The following PCDH1 variants were observed in gnomAD, a reference collection of about 807,000 sequenced individuals.
PCDH1 encodes the protein protocadherin 1, also known as protocadherin-1.
PCDH1 carries 23 observed loss-of-function variants against 74.6 expected under a neutral mutation model. The observed-to-expected ratio is 0.31, with a 90% CI of 0.22 to 0.44. The LOEUF (loss-of-function observed/expected upper bound fraction) is 0.44. Ranked by LOEUF, PCDH1 falls within the 20% of genes least tolerant of loss-of-function variation. The pLI, the probability that PCDH1 is intolerant of heterozygous loss-of-function variation, is 1.00. For missense variants in PCDH1, 1,214 were observed against 1,641.4 expected (o/e 0.74, Z 4.50); for synonymous variants, 647 against 686.1 (o/e 0.94, Z 0.89).
intron 1 of PCDH1, among the ~76,000 whole-genome samples, chr5:141,874,176 G>A (rs935519711): frequency 5.9e-5 from 9 of 152,330 alleles, no homozygotes; most frequent in South Asian, 4.1e-4. Context: ...GAATGAACCA[G>A]CCCAGGCTTC....
rs1265340755 is a variant in PCDH1, at chr5:141,878,237, C to G, written c.26G>C (p.Arg9Pro). The G allele has an allele frequency of 1.2e-5, 16 of 1,378,980 alleles. No homozygotes were observed. In the East Asian group the frequency reaches 3.5e-4, roughly 30 times the overall value. The allele number at this position is 1,378,980 out of a possible 1,614,324, so 85.4% of individuals were successfully genotyped here. A position where few individuals can be genotyped will look rare whatever the true frequency, so the allele number is the denominator to read the frequency against. Residue 9 changes from arginine (R) to proline (P), a missense_variant, in exon 1 of 5, where the codon CGC (arginine) becomes CCC (proline). Physicochemically the swap from Arg to Pro is moderately radical, Grantham distance 103. Around this residue, in one of 4 missense-constraint regions of PCDH1, gnomAD observed 87 missense variants for 87.7 expected, o/e 0.99. Coordinates refer to ENST00000287008, the MANE Select transcript of PCDH1 (RefSeq NM_032420.5). This position sits in a 1 kb window ranked among gnomAD's most constrained non-coding sequence, Gnocchi z 5.5. MDSGAGGR[R>P]CPEAALLILG... ...CGGATCCTTACCCGCCTCCGGGCAG[C>G]GCCGGCCGCCCGCCCCGCTGTCCAT...
chr5:141,857,493 C>G (rs1165804083), intron 3 of PCDH1, 22 bp from the exon 4 acceptor site: 1 of 1,604,964 alleles, frequency 6.2e-7, no homozygotes, highest in East Asian at 2.2e-5. Flanking sequence ...CAGATTGTCA[C>G]TACTGACCAG....
chr5:141,866,908 G>A (rs1009510599), intron 2 of PCDH1, among the ~76,000 whole-genome samples: 1 of 152,178 alleles, frequency 6.6e-6, no homozygotes, highest in Admixed American at 6.5e-5. Context: ...GAGCCCTCAA[G>A]CCACTGCCAG....
intron 1 of PCDH1, among the ~76,000 whole-genome samples, chr5:141,877,714 GA>G (rs1753276225): frequency 6.6e-6 from 1 of 152,220 alleles, no homozygotes; most frequent in African/African-American, 2.4e-5. Flanking sequence ...CATATGCAGG[GA>G]TGTATGTATG....
At chr5:141,871,387 G>A (rs1753093458) in intron 1 of PCDH1, among the ~76,000 whole-genome samples, 1 of 152,230 alleles carries the variant, frequency 6.6e-6, no homozygotes. Flanking sequence ...TTGTTTGGTT[G>A]CTTCTGTATA....
intron 1 of PCDH1, among the ~76,000 whole-genome samples, chr5:141,877,142 C>G (rs1753261563): frequency 6.6e-6 from 1 of 152,174 alleles, no homozygotes; most frequent in Non-Finnish European, 1.5e-5. Flanking sequence ...ATCTGGACTC[C>G]GAGAGAGAGG....
intron 3 of PCDH1, chr5:141,862,975 C>G (rs979159325): frequency 1.0e-5 from 13 of 1,250,476 alleles, no homozygotes; most frequent in African/African-American, 3.1e-5. Flanking sequence ...AGGGACTTGG[C>G]AAATCACAGG....
intron 1 of PCDH1, among the ~76,000 whole-genome samples, chr5:141,870,827 G>C (rs1179635152): frequency 6.6e-6 from 1 of 152,032 alleles, no homozygotes; most frequent in Admixed American, 6.6e-5. Flanking sequence ...AAAATCTTTG[G>C]ATCAGCAGTT....
chr5:141,863,425 T>C lies in PCDH1; in HGVS notation c.2906A>G (p.Tyr969Cys). 1 of 1,561,912 alleles carries C rather than the reference T, an allele frequency of 6.4e-7. No individual in the cohort carries two copies. Among genetic ancestry groups the C allele is most frequent in the Non-Finnish European group, 8.7e-7 (1 of 1,153,136 alleles). The change falls in exon 3 of 5, where the codon TAT becomes TGT. Residue 969 changes from tyrosine to cysteine, a missense_variant. By Grantham distance (194) the Tyr-to-Cys change is radical (BLOSUM62 -2). Transcript: ENST00000287008. The surrounding 1 kb of genome is among the most constrained non-coding windows in gnomAD (Gnocchi z 7.5). The stretch of plus-strand genomic sequence containing the variant: ...GGAAGGCAGTGGGGAGTTAGAGCGA[T>C]AGTGGCGGCCCAGGTCAGGGCTGCC... ...PPGSPDLGRHYRSNSPLPSIQ... is the reference protein window; with the variant it reads ...PPGSPDLGRHCRSNSPLPSIQ...
intron 3 of PCDH1, among the ~76,000 whole-genome samples, chr5:141,858,941 A>G (rs1561477386): frequency 6.6e-6 from 1 of 152,034 alleles, no homozygotes; most frequent in Non-Finnish European, 1.5e-5. Flanking sequence ...TCAGGACAGG[A>G]GTTTTGGAGC....
chr5:141,870,456 T>G (rs554738304), intron 1 of PCDH1, among the ~76,000 whole-genome samples: 9 of 152,294 alleles, frequency 5.9e-5, no homozygotes, highest in Non-Finnish European at 1.2e-4. Context: ...TGGCCTGTCC[T>G]TAGCAACAGG....
chr5:141,865,553 G>T lies in PCDH1; in HGVS notation c.904-126C>A. 4.6e-6 allele frequency: 5 copies of T among 1,080,552 alleles called. No homozygotes were observed. In the South Asian group the frequency reaches 7.5e-5, roughly 16 times the overall value. The allele number at this position is 1,080,552 out of a possible 1,614,324, so 66.9% of individuals were successfully genotyped here. A position where few individuals can be genotyped will look rare whatever the true frequency, so the allele number is the denominator to read the frequency against. The stretch of plus-strand genomic sequence containing the variant: ...TGGCAGACACAGCCAATCCAACATC[G>T]CTCCCTTTCCAGAAGCCATGTGTGT... On this transcript the variant is annotated intron_variant, in intron 2 of 4. Transcript: ENST00000287008. This position sits in a 1 kb window ranked among gnomAD's most constrained non-coding sequence, Gnocchi z 4.4.
intron 3 of PCDH1, among the ~76,000 whole-genome samples, chr5:141,860,505 A>G (rs1046234496): frequency 2.9e-4 from 44 of 151,896 alleles, no homozygotes; most frequent in Non-Finnish European, 5.7e-4. Flanking sequence ...TCTCAAAAAA[A>G]AAAAAAAAAA....
rs370388642 is a variant in PCDH1 at position 141,857,307 on chromosome 5, G to A, written c.3264C>T (p.His1088=). 2.5e-6 allele frequency: 4 copies of A among 1,612,896 alleles called. No individual in the cohort carries two copies. In the African/African-American group the frequency reaches 5.3e-5, roughly 22 times the overall value. The change falls in exon 4 of 5, where the codon CAC becomes CAT. Residue 1088 remains histidine (H), a synonymous_variant. Coordinates refer to ENST00000287008, the MANE Select transcript of PCDH1 (RefSeq NM_032420.5). ...RLGPLALPED[H]YERTTPDGSI... is the part of the protein sequence containing the mutation. The stretch of plus-strand genomic sequence containing the variant: ...TGCCATCAGGGGTGGTGCGCTCATA[G>A]TGATCCTCAGGCAGGGCCAGGGGAC...
Position 141,864,316 on chromosome 5 carries a change from C to G in PCDH1, c.2015G>C (p.Ser672Thr). The change falls in exon 3 of 5, where the codon AGC becomes ACC. Residue 672 changes from serine to threonine, a missense_variant. Around this residue, in one of 4 missense-constraint regions of PCDH1, gnomAD observed 836 missense variants for 1,182.2 expected, o/e 0.71. Coordinates refer to ENST00000287008, the MANE Select transcript of PCDH1 (RefSeq NM_032420.5). The surrounding 1 kb of genome is among the most constrained non-coding windows in gnomAD (Gnocchi z 5.9). ...GGTGCTTTGTTGCTCTCGATCAAAG[C>G]TCAGGCTGGATAGGATGGTGCCTGT... ...NGTGTILSSLSFDREQQSTYT... is the reference protein window; with the variant it reads ...NGTGTILSSLTFDREQQSTYT... The G allele has an allele frequency of 6.2e-7, 1 of 1,614,094 alleles. No individual in the cohort carries two copies. Among genetic ancestry groups the G allele is most frequent in the South Asian group, 1.1e-5 (1 of 91,088 alleles).
intron 4 of PCDH1, among the ~76,000 whole-genome samples, chr5:141,855,719 C>T (rs145815273): frequency 9.2e-5 from 14 of 152,294 alleles, no homozygotes; most frequent in Admixed American, 2.6e-4. Context: ...TCCACAAGCA[C>T]GCTCATGCAG....
chr5:141,873,660 G>C (rs1197938470), intron 1 of PCDH1, among the ~76,000 whole-genome samples: 1 of 142,708 alleles, frequency 7.0e-6, no homozygotes, highest in Non-Finnish European at 1.5e-5. Context: ...GGGTTTCACC[G>C]TGTTAGCCAG....
At position 141,869,028 on chromosome 5, in the gene PCDH1, G is replaced by A. The variant is rs1167322732; in HGVS notation, c.444C>T (p.Ser148=). 1 of 1,614,126 alleles carries A rather than the reference G, an allele frequency of 6.2e-7. No individual in the cohort carries two copies. ...VSITDLVQNG[S]PRLLEGQIEV... ...CTATCTGGCCCTCTAGCAGCCGGGG[G>A]CTGCCATTCTGCACGAGGTCTGTGA... Residue 148 remains serine, a synonymous_variant, in exon 2 of 5, where the codon AGC becomes AGT. Transcript: ENST00000287008. The surrounding 1 kb of genome is among the most constrained non-coding windows in gnomAD (Gnocchi z 4.9).
At position 141,863,940 on chromosome 5, in the gene PCDH1, G is replaced by A. The variant is rs774616933; in HGVS notation, c.2391C>T (p.Arg797=). ...LHRLVVKVSD[R]GKPPRYGTAL... ...CTGTGCCATAGCGTGGGGGCTTGCC[G>A]CGGTCACTGACCTTCACCACCAGGC... Residue 797 remains arginine (R), a synonymous_variant, in exon 3 of 5, where the codon CGC becomes CGT. Transcript: ENST00000287008. This position sits in a 1 kb window ranked among gnomAD's most constrained non-coding sequence, Gnocchi z 7.5. 23 of 1,613,988 alleles carry A rather than the reference G, an allele frequency of 1.4e-5. No individual in the cohort carries two copies. The highest frequency in any genetic ancestry group is 3.3e-5 in the South Asian group (3 of 91,084).
Sources: gnomAD v4.1 joint callset for allele counts (sites outside exome capture counted in the v4.1 genomes callset) on GRCh38, gnomAD v4.1.1 for gene constraint, gnomAD v4.1.1 regional missense constraint, Gnocchi (gnomAD v3.1) non-coding constraint, MANE v1.5 for transcripts, NCBI Gene and HGNC (gene_info 2026-07-23, HGNC 2026-07-21) for gene names.